The following MAST4 variants were observed in gnomAD, a reference collection of about 807,000 sequenced individuals.
MAST4 encodes the protein microtubule associated serine/threonine kinase family member 4, also known as microtubule-associated serine/threonine-protein kinase 4.
In MAST4, 89 loss-of-function variants were observed where a neutral mutation model predicts 162.7. The observed-to-expected ratio is 0.55, with a 90% CI of 0.46 to 0.65. The LOEUF is 0.65. Among genes scored for constraint, MAST4 ranks in the 30% least tolerant of loss-of-function variants. The pLI, the probability that MAST4 is intolerant of heterozygous loss-of-function variation, is 0.00. For synonymous variants in MAST4, 1,479 were observed against 1,361.1 expected (o/e 1.09, Z -1.91); for missense variants, 3,153 against 3,374.0 (o/e 0.93, Z 1.62).
At chr5:66,886,038 G>A (rs1386688449) in intron 3 of MAST4, among the ~76,000 whole-genome samples, 2 of 152,084 alleles carry the variant, frequency 1.3e-5, no homozygotes. Flanking sequence ...CCACAGAGAG[G>A]GTAGGTAGTT....
chr5:66,616,292 G>C (rs573516950), intron 1 of MAST4, among the ~76,000 whole-genome samples: 1 of 152,268 alleles, frequency 6.6e-6, no homozygotes, highest in East Asian at 1.9e-4. Context: ...CTCCCAAGCA[G>C]CCCCTACCAA....
rs574848121 is a variant in MAST4, at chr5:66,833,505, T to C, written c.642+44711T>C. Among the ~76,000 whole-genome samples the C allele has an allele frequency of 2.0e-3, 305 of 152,332 alleles. 2 individuals carry two copies. The highest frequency in any genetic ancestry group is 7.0e-3 in the African/African-American group (293 of 41,574). ...TCCAGGGTAGGCTAAAAATGCATACTGTGAGTTTAGCCACAGTCTTGCTTT... is the reference window on the plus strand; with the variant it reads ...TCCAGGGTAGGCTAAAAATGCATACCGTGAGTTTAGCCACAGTCTTGCTTT... On this transcript the variant is annotated intron_variant, in intron 3 of 28. Transcript: ENST00000403625.
intron 23 of MAST4, among the ~76,000 whole-genome samples, chr5:67,146,845 G>A (rs1429457800): frequency 6.6e-6 from 1 of 152,168 alleles, no homozygotes; most frequent in Non-Finnish European, 1.5e-5. Flanking sequence ...TAAGATGCCT[G>A]ACCATCTCTA....
rs79730132 is a variant in MAST4, at chr5:66,942,233, C to A, written c.674+42251C>A. Reference sequence around the variant, plus strand: ...CACAATAAAACTAGGTATGTCTATTCTGAAAAATTATACTGGAAGACTATG... The same window carrying A: ...CACAATAAAACTAGGTATGTCTATTATGAAAAATTATACTGGAAGACTATG... On this transcript the variant is annotated intron_variant, in intron 4 of 28. Transcript: ENST00000403625. Among the ~76,000 whole-genome samples the A allele has an allele frequency of 5.5e-3, 834 of 152,142 alleles. 6 individuals are homozygous for A. The highest frequency in any genetic ancestry group is 0.024 in the Middle Eastern group (7 of 294).
chr5:67,023,029 C>T (rs1754178435), intron 4 of MAST4, among the ~76,000 whole-genome samples: 1 of 152,030 alleles, frequency 6.6e-6, no homozygotes. Flanking sequence ...TATAAGATGG[C>T]ATGTGAAGTT....
chr5:66,701,503 T>C (rs1002596085), intron 1 of MAST4, among the ~76,000 whole-genome samples: 1 of 152,250 alleles, frequency 6.6e-6, no homozygotes, highest in Non-Finnish European at 1.5e-5. Flanking sequence ...TGTCTAGTTT[T>C]TGTGGTACAT....
At chr5:66,632,097 T>C (rs923045414) in intron 1 of MAST4, among the ~76,000 whole-genome samples, 8 of 152,218 alleles carry the variant, frequency 5.3e-5, no homozygotes, top group Non-Finnish European at 8.8e-5. Flanking sequence ...GGAAAAATCC[T>C]TAAAATCTAG....
At position 66,844,139 on chromosome 5, in the gene MAST4, C is replaced by CTGTGTGTGTG. The variant is rs59568297; in HGVS notation, c.642+55395_642+55404dup. On this transcript the variant is annotated intron_variant, in intron 3 of 28. Transcript: ENST00000403625. ...TCTTTAACAGCTGGTCCCAGTCAGCCTGTGTGTGTGTGTGTGTGTGTGTGT... is the reference window on the plus strand; with the variant it reads ...TCTTTAACAGCTGGTCCCAGTCAGCCTGTGTGTGTGTGTGTGTGTGTGTGTGTGTGTGTGT... Among the ~76,000 whole-genome samples the CTGTGTGTGTG allele has an allele frequency of 7.9e-4, 83 of 104,552 alleles. 1 individual carries two copies. The highest frequency in any genetic ancestry group is 5.1e-3 in the Middle Eastern group (1 of 196). 68.6% of individuals were successfully genotyped at this position (104,552 alleles called of 152,430 possible).
At chr5:66,804,915 G>A (rs1756111048) in intron 3 of MAST4, among the ~76,000 whole-genome samples, 1 of 152,006 alleles carries the variant, frequency 6.6e-6, no homozygotes, top group Non-Finnish European at 1.5e-5. Context: ...CATTCTATGT[G>A]GCATCTTCAG....
At chr5:67,126,506 T>A (rs1045230564) in intron 14 of MAST4, among the ~76,000 whole-genome samples, 1 of 152,138 alleles carries the variant, frequency 6.6e-6, no homozygotes, top group African/African-American at 2.4e-5. Flanking sequence ...GGGAATCCTT[T>A]CCCCCATTGC....
At chr5:66,844,553 G>A (rs1050670031) in intron 3 of MAST4, among the ~76,000 whole-genome samples, 2 of 152,070 alleles carry the variant, frequency 1.3e-5, no homozygotes, top group African/African-American at 4.8e-5. Flanking sequence ...GATATTTGTT[G>A]TGCATTTTTG....
At chr5:66,914,579 G>T (rs1269105290) in intron 4 of MAST4, among the ~76,000 whole-genome samples, 2 of 152,078 alleles carry the variant, frequency 1.3e-5, no homozygotes, top group Non-Finnish European at 2.9e-5. Flanking sequence ...ACCAGAGGAG[G>T]TTCAGTGGCT....
At chr5:66,987,870 C>G (rs1030341618) in intron 4 of MAST4, among the ~76,000 whole-genome samples, 1 of 152,186 alleles carries the variant, frequency 6.6e-6, no homozygotes, top group African/African-American at 2.4e-5. Flanking sequence ...TAGGATTACA[C>G]TGACTATAGT....
chr5:67,103,125 C>G (rs1194621399), intron 9 of MAST4, among the ~76,000 whole-genome samples: 1 of 152,208 alleles, frequency 6.6e-6, no homozygotes, highest in Non-Finnish European at 1.5e-5. Context: ...GTCGTGTTCT[C>G]CAGTTAGACT....
At chr5:66,657,971 A>G (rs1179585862) in intron 1 of MAST4, among the ~76,000 whole-genome samples, 3 of 152,234 alleles carry the variant, frequency 2.0e-5, no homozygotes, top group Non-Finnish European at 2.9e-5. Flanking sequence ...GTGTTAAACT[A>G]TACGAAGAAT....
intron 13 of MAST4, among the ~76,000 whole-genome samples, 184 bp from the exon 14 acceptor site, chr5:67,120,833 A>G (rs1767489925): frequency 6.6e-6 from 1 of 152,220 alleles, no homozygotes; most frequent in Non-Finnish European, 1.5e-5. Context: ...ACAGTGTCAC[A>G]AGGAGTTTGT....
At chr5:66,634,913 C>A (rs1411348410) in intron 1 of MAST4, among the ~76,000 whole-genome samples, 1 of 152,218 alleles carries the variant, frequency 6.6e-6, no homozygotes, top group Non-Finnish European at 1.5e-5. Context: ...CTTCAGGGCT[C>A]CCTGGTGGTC....
chr5:66,860,337 A>G (rs2149836980), intron 3 of MAST4, among the ~76,000 whole-genome samples: 1 of 152,346 alleles, frequency 6.6e-6, no homozygotes, highest in South Asian at 2.1e-4. Flanking sequence ...CCACAAGGGT[A>G]TCTGCTCTTT....
Position 66,743,648 on chromosome 5 carries a change from C to A in MAST4, c.364-16061C>A, listed in dbSNP as rs114166263. Among the ~76,000 whole-genome samples, 789 of 152,072 alleles carry A rather than the reference C, an allele frequency of 5.2e-3. 7 individuals are homozygous for A. The highest frequency in any genetic ancestry group is 7.9e-3 in the Admixed American group (120 of 15,270). On this transcript the variant is annotated intron_variant, in intron 1 of 28. Coordinates refer to ENST00000403625, the MANE Select transcript of MAST4 (RefSeq NM_001164664.2). ...GACCTGGAGTTCTGGGGACACAGGG[C>A]AGGGAGACTAGTAATGGAGAGGCAG...
Sources: gnomAD v4.1 joint callset for allele counts (sites outside exome capture counted in the v4.1 genomes callset) on GRCh38, gnomAD v4.1.1 for gene constraint, MANE v1.5 for transcripts, NCBI Gene and HGNC (gene_info 2026-07-23, HGNC 2026-07-21) for gene names.